PDE3B: variants seen among roughly 807,000 people sequenced by gnomAD.
The protein encoded by PDE3B is cGMP-inhibited 3',5'-cyclic phosphodiesterase 3B.
PDE3B carries 66 observed loss-of-function variants against 116.8 expected under a neutral mutation model. That is an observed-to-expected ratio of 0.56 (90% CI 0.46 to 0.69). The LOEUF is 0.69. PDE3B is among the 30% of genes least tolerant of loss of function. The pLI, the probability that PDE3B is intolerant of heterozygous loss-of-function variation, is 0.00. For missense variants in PDE3B, 1,384 were observed against 1,368.1 expected (o/e 1.01, Z -0.18); for synonymous variants, 595 against 533.6 (o/e 1.12, Z -1.59).
intron 1 of PDE3B, among the ~76,000 whole-genome samples, chr11:14,648,918 A>G (rs1853488858): frequency 2.0e-5 from 3 of 152,180 alleles, no homozygotes; most frequent in Admixed American, 2.0e-4. Context: ...GGAACAAATA[A>G]GATTAGGAAG....
At chr11:14,892,132 A>AG in the PDE3B span, 2 of 1,611,380 alleles carry the variant, frequency 1.2e-6, no homozygotes, top group Non-Finnish European at 8.5e-7. Context: ...GCGGACCCCT[A>AG]GCGCGAAGAG....
In PDE3B at chr11:14,819,188, G is replaced by T; in HGVS notation, c.1786G>T (p.Asp596Tyr). The T allele has an allele frequency of 6.3e-7, 1 of 1,591,502 alleles. No homozygotes were observed. The highest frequency in any genetic ancestry group is 8.6e-7 in the Non-Finnish European group (1 of 1,164,754). The change falls in exon 7 of 16, where the codon GAT becomes TAT. Residue 596 changes from aspartate to tyrosine, a missense_variant. Asp to Tyr is a radical substitution (Grantham distance 160). This residue lies in a region of PDE3B where 956 missense variants were observed against 806.8 expected (regional missense o/e 1.18). Transcript: ENST00000282096. ...YVSTSESDGTDCCSGKSGEEE... is the reference protein window; with the variant it reads ...YVSTSESDGTYCCSGKSGEEE... The stretch of plus-strand genomic sequence containing the variant: ...TTCAACATCTGAATCAGATGGTACA[G>T]ATTGCTGCAGTGGAAAATCAGGTGA...
intron 5 of PDE3B, among the ~76,000 whole-genome samples, chr11:14,813,423 A>G (rs571696102): frequency 4.6e-5 from 7 of 152,248 alleles, no homozygotes; most frequent in African/African-American, 1.7e-4. Context: ...ATTGCCAGCA[A>G]TGTCAGTCTG....
At chr11:14,653,141 C>A (rs1442977018) in intron 1 of PDE3B, among the ~76,000 whole-genome samples, 1 of 152,092 alleles carries the variant, frequency 6.6e-6, no homozygotes, top group African/African-American at 2.4e-5. Context: ...TGCAGCTTTG[C>A]TGAATTTGTT....
At chr11:14,694,914 A>G (rs1020981342) in intron 1 of PDE3B, among the ~76,000 whole-genome samples, 16 of 152,172 alleles carry the variant, frequency 1.1e-4, no homozygotes, top group African/African-American at 3.6e-4. Context: ...AGGCACATGC[A>G]TATACTGTAA....
At chr11:14,893,604 C>A in the PDE3B span, among the ~76,000 whole-genome samples, 2 of 152,126 alleles carry the variant, frequency 1.3e-5, no homozygotes, top group African/African-American at 4.8e-5. Flanking sequence ...TAGAGGCTGC[C>A]CACATTCCTT....
chr11:14,708,207 C>T (rs988703867), intron 1 of PDE3B, among the ~76,000 whole-genome samples: 1 of 151,990 alleles, frequency 6.6e-6, no homozygotes, highest in Non-Finnish European at 1.5e-5. Context: ...CCTGGTACTT[C>T]CTTCCATCTC....
intron 1 of PDE3B, among the ~76,000 whole-genome samples, chr11:14,742,433 C>A (rs145375074): frequency 6.6e-6 from 1 of 152,154 alleles, no homozygotes; most frequent in Non-Finnish European, 1.5e-5. Context: ...TTCAGCTCCA[C>A]CAGATCATTT....
At chr11:14,738,234 A>G (rs1233188350) in intron 1 of PDE3B, among the ~76,000 whole-genome samples, 1 of 152,182 alleles carries the variant, frequency 6.6e-6, no homozygotes, top group East Asian at 1.9e-4. Context: ...TACTCCCACC[A>G]ACAGTGTAAA....
intron 5 of PDE3B, among the ~76,000 whole-genome samples, chr11:14,808,441 A>G (rs1256139580): frequency 1.3e-5 from 2 of 152,232 alleles, no homozygotes; most frequent in East Asian, 1.9e-4. Flanking sequence ...CGTAACCCAT[A>G]GAAATTATCC....
the PDE3B span, among the ~76,000 whole-genome samples, chr11:14,885,439 C>T: frequency 3.3e-5 from 5 of 152,124 alleles, no homozygotes; most frequent in Non-Finnish European, 7.4e-5. Flanking sequence ...TCACCAAGTA[C>T]TCAAGACTAG....
At chr11:14,737,776 A>T (rs1425050329) in intron 1 of PDE3B, among the ~76,000 whole-genome samples, 3 of 50,620 alleles carry the variant, frequency 5.9e-5, no homozygotes, top group Middle Eastern at 0.014. Flanking sequence ...CCCTCCCCCC[A>T]CCCCACAACA....
chr11:14,724,489 G>T (rs535226081), intron 1 of PDE3B, among the ~76,000 whole-genome samples: 148 of 152,264 alleles, frequency 9.7e-4, no homozygotes, highest in African/African-American at 3.5e-3. Context: ...CCTATAAGAT[G>T]CTTGAAGGTC....
chr11:14,784,251 GAAGA>G (rs1264166465), intron 2 of PDE3B, among the ~76,000 whole-genome samples: 1 of 152,162 alleles, frequency 6.6e-6, no homozygotes, highest in African/African-American at 2.4e-5. Context: ...TAACAGGAAG[GAAGA>G]AAGAACAATG....
chr11:14,886,396 G>A, the PDE3B span: 107 of 166,582 alleles, frequency 6.4e-4, no homozygotes, highest in Non-Finnish European at 1.1e-3. Flanking sequence ...ATACCTGAGA[G>A]ACAACTTTGA....
chr11:14,736,193 G>C (rs1856593901), intron 1 of PDE3B, among the ~76,000 whole-genome samples: 2 of 152,116 alleles, frequency 1.3e-5, no homozygotes, highest in South Asian at 4.1e-4. Flanking sequence ...AGGGCGGCCT[G>C]GGAAGCAAGG....
chr11:14,807,716 G>A (rs1858986048), intron 5 of PDE3B, among the ~76,000 whole-genome samples: 1 of 152,058 alleles, frequency 6.6e-6, no homozygotes, highest in Admixed American at 6.6e-5. Context: ...GAAATGTCAA[G>A]TTTTCAACAA....
intron 1 of PDE3B, among the ~76,000 whole-genome samples, chr11:14,681,138 A>G (rs1267885733): frequency 6.6e-6 from 1 of 152,212 alleles, no homozygotes; most frequent in African/African-American, 2.4e-5. Context: ...TGAAAAGCAC[A>G]TTTTTGACTT....
intron 11 of PDE3B, among the ~76,000 whole-genome samples, chr11:14,840,027 C>T (rs539887647): frequency 2.0e-5 from 3 of 152,290 alleles, no homozygotes; most frequent in South Asian, 2.1e-4. Context: ...AAATTCATGA[C>T]TTCTGAGTAC....
Sources: allele counts gnomAD v4.1 joint callset (sites outside exome capture counted in the v4.1 genomes callset), GRCh38; gene constraint gnomAD v4.1.1; regional missense constraint gnomAD v4.1.1; transcripts MANE v1.5; gene names NCBI Gene and HGNC (gene_info 2026-07-23, HGNC 2026-07-21).